ANKS1A: variants seen among roughly 807,000 people sequenced by gnomAD.
ANKS1A encodes the protein ankyrin repeat and sterile alpha motif domain containing 1A.
In ANKS1A, 55 loss-of-function variants were observed where a neutral mutation model predicts 120.3. The observed-to-expected ratio is 0.46, with a 90% CI of 0.37 to 0.57. The LOEUF is 0.57. Among genes scored for constraint, ANKS1A ranks in the 20% least tolerant of loss-of-function variants. ANKS1A has a pLI of 0.00. For missense variants in ANKS1A, 1,123 were observed against 1,480.3 expected (o/e 0.76, Z 3.96); for synonymous variants, 590 against 604.7 (o/e 0.98, Z 0.36).
In ANKS1A at chr6:35,084,880, G is replaced by A. The variant is rs1433526332; in HGVS notation, c.3132+622G>A. Reference sequence around the variant, plus strand: ...CACAGGGAGCAGACCAGAACTGACAGCCCACAGGCGGGGGTTCCCTCTAAC... The same window carrying A: ...CACAGGGAGCAGACCAGAACTGACAACCCACAGGCGGGGGTTCCCTCTAAC... On this transcript the variant is annotated intron_variant, in intron 21 of 23. Transcript: ENST00000360359. The surrounding 1 kb of genome is among the most constrained non-coding windows in gnomAD (Gnocchi z 4.8). 6.6e-6 allele frequency among the ~76,000 whole-genome samples: 1 copy of A among 152,188 alleles called. No individual in the cohort carries two copies. The highest frequency in any genetic ancestry group is 1.9e-4 in the East Asian group (1 of 5,190).
rs1774119426 is a variant in ANKS1A at position 35,017,840 on chromosome 6, A to G, written c.1791A>G (p.Glu597=). The G allele has an allele frequency of 6.2e-7, 1 of 1,614,170 alleles. No homozygotes were observed. Among genetic ancestry groups the G allele is most frequent in the Non-Finnish European group, 8.5e-7 (1 of 1,180,008 alleles). ...CTCCGCACCCTGGTGGTGCTGAGGA[A>G]GGAGACCGGAGTGGGGCCAGGAGCC... ...TASPHPGGAE[E]GDRSGARSRA... Residue 597 remains glutamate, a synonymous_variant, in exon 11 of 24, where the codon GAA becomes GAG. Transcript: ENST00000360359.
At chr6:35,028,248 C>G (rs1774727466) in intron 11 of ANKS1A, among the ~76,000 whole-genome samples, 1 of 152,180 alleles carries the variant, frequency 6.6e-6, no homozygotes, top group Non-Finnish European at 1.5e-5. Context: ...GGTTTTGCAG[C>G]TTGGGCCCTC....
At position 35,090,645 on chromosome 6, in the gene ANKS1A, C is replaced by T. The variant is rs1778252213; in HGVS notation, c.*2036C>T. The stretch of plus-strand genomic sequence containing the variant: ...TGACTGGGCCTTTCTTTCTTTTCTT[C>T]TCCTCTGGGATGGGTAGTCTCCCTT... On this transcript the variant is annotated 3_prime_UTR_variant, in exon 24 of 24. Coordinates refer to ENST00000360359, the MANE Select transcript of ANKS1A (RefSeq NM_015245.3). The T allele has an allele frequency of 1.0e-6, 1 of 992,700 alleles. No homozygotes were observed. Among genetic ancestry groups the T allele is most frequent in the South Asian group, 4.6e-5 (1 of 21,966 alleles). The allele number at this position is 992,700 out of a possible 1,614,324, so 61.5% of individuals were successfully genotyped here.
At chr6:34,994,549 G>T (rs1772749711) in intron 10 of ANKS1A, 127 bp downstream of exon 10, 4 of 1,378,074 alleles carry the variant, frequency 2.9e-6, no homozygotes, top group Non-Finnish European at 3.0e-6. Flanking sequence ...GTTTCACGAT[G>T]ATCTGGGATG....
At chr6:35,079,480 TGA>T (rs1561962452) in intron 14 of ANKS1A, 34 bp from the exon 15 acceptor site, 2 of 1,603,310 alleles carry the variant, frequency 1.2e-6, no homozygotes, top group Non-Finnish European at 8.5e-7. Context: ...CTGTGAGTGC[TGA>T]GATGTCAGTT....
chr6:35,065,903 G>A (rs561671034), intron 13 of ANKS1A, among the ~76,000 whole-genome samples: 91 of 152,280 alleles, frequency 6.0e-4, no homozygotes, highest in African/African-American at 1.9e-3. Flanking sequence ...TGCCTGGCCC[G>A]TTGCTTCTAC....
chr6:34,969,568 G>C (rs1771077307), intron 2 of ANKS1A, among the ~76,000 whole-genome samples: 1 of 152,150 alleles, frequency 6.6e-6, no homozygotes, highest in Non-Finnish European at 1.5e-5. Context: ...AGTAACTTTT[G>C]TTCTGCTTGG....
chr6:34,912,475 C>G (rs1767952597), intron 1 of ANKS1A, among the ~76,000 whole-genome samples: 1 of 152,304 alleles, frequency 6.6e-6, no homozygotes, highest in South Asian at 2.1e-4. Flanking sequence ...GGAGTAGGAG[C>G]TCCAGACCCT....
intron 1 of ANKS1A, among the ~76,000 whole-genome samples, chr6:34,918,756 G>A (rs1365386203): frequency 6.6e-6 from 1 of 152,142 alleles, no homozygotes; most frequent in African/African-American, 2.4e-5. Flanking sequence ...CAACACACAT[G>A]AAATTTTTTT....
chr6:34,931,964 A>C (rs988663041), intron 1 of ANKS1A, among the ~76,000 whole-genome samples: 7 of 152,218 alleles, frequency 4.6e-5, no homozygotes, highest in African/African-American at 1.7e-4. Context: ...TGTATCTTAA[A>C]ATAGTTGATA....
At position 35,085,675 on chromosome 6, in the gene ANKS1A, A is replaced by AG. The variant is rs35022395; in HGVS notation, c.3133-86dup. 34,763 of 1,364,282 alleles carry AG rather than the reference A, an allele frequency of 0.025. 569 individuals are homozygous for AG. Among genetic ancestry groups the AG allele is most frequent in the Non-Finnish European group, 0.03 (30,813 of 1,013,610 alleles). 84.5% of individuals were successfully genotyped at this position (1,364,282 alleles called of 1,614,324 possible). On this transcript the variant is annotated intron_variant, in intron 21 of 23. Transcript: ENST00000360359. The surrounding 1 kb of genome is among the most constrained non-coding windows in gnomAD (Gnocchi z 4.7). ...TAGGAGCGCTCCCGGGTAGACTTAGAGGGGGACACATGGTCCCTGCGAGGA... is the reference window on the plus strand; with the variant it reads ...TAGGAGCGCTCCCGGGTAGACTTAGAGGGGGGACACATGGTCCCTGCGAGGA...
At chr6:35,070,975 C>G in intron 13 of ANKS1A, 4 of 582,034 alleles carry the variant, frequency 6.9e-6, no homozygotes, top group Non-Finnish European at 1.3e-5. Flanking sequence ...AGGGTTTCCC[C>G]TCTCTGTCTA....
At chr6:34,990,303 C>A (rs557489690) in intron 9 of ANKS1A, among the ~76,000 whole-genome samples, 8 of 152,260 alleles carry the variant, frequency 5.3e-5, no homozygotes, top group African/African-American at 1.9e-4. Context: ...ATGCTAGGTA[C>A]AAATTCTGTC....
rs1452239631 is a variant in ANKS1A, at chr6:35,079,814, C to T, written c.2437-7C>T. 1 of 1,584,168 alleles carries T rather than the reference C, an allele frequency of 6.3e-7. No individual in the cohort carries two copies. The highest frequency in any genetic ancestry group is 1.1e-5 in the South Asian group (1 of 87,432). Reference sequence around the variant, plus strand: ...GACCTGTCACCTCGCTGCTCCTCATCACCCAGGTCCTGAAGGTCCAGCTGC... The same window carrying T: ...GACCTGTCACCTCGCTGCTCCTCATTACCCAGGTCCTGAAGGTCCAGCTGC... On this transcript the variant is annotated splice_polypyrimidine_tract_variant and splice_region_variant and intron_variant, in intron 15 of 23. Coordinates refer to ENST00000360359, the MANE Select transcript of ANKS1A (RefSeq NM_015245.3).
chr6:35,034,688 T>A (rs1403914653), intron 11 of ANKS1A, among the ~76,000 whole-genome samples: 2 of 152,244 alleles, frequency 1.3e-5, no homozygotes, highest in African/African-American at 4.8e-5. Flanking sequence ...AAATTTTATG[T>A]AATAAGGTAA....
intron 10 of ANKS1A, among the ~76,000 whole-genome samples, chr6:35,007,897 C>T (rs1227957160): frequency 6.6e-6 from 1 of 152,238 alleles, no homozygotes; most frequent in East Asian, 1.9e-4. Flanking sequence ...TCTACCTCTA[C>T]TCCTACATCA....
chr6:35,083,771 G>A (rs1471644210), intron 20 of ANKS1A, among the ~76,000 whole-genome samples: 1 of 152,170 alleles, frequency 6.6e-6, no homozygotes, highest in Non-Finnish European at 1.5e-5. Flanking sequence ...GCTCACAGGT[G>A]TGATTCCCTC....
intron 1 of ANKS1A, among the ~76,000 whole-genome samples, chr6:34,899,889 A>G (rs1767263908): frequency 6.6e-6 from 1 of 152,262 alleles, no homozygotes; most frequent in African/African-American, 2.4e-5. Flanking sequence ...CCCTGCAGCC[A>G]TGATCAAACT....
At chr6:34,914,898 TG>T (rs1294409394) in intron 1 of ANKS1A, among the ~76,000 whole-genome samples, 1 of 152,170 alleles carries the variant, frequency 6.6e-6, no homozygotes, top group African/African-American at 2.4e-5. Flanking sequence ...TAAGAGCTTC[TG>T]GGAGCAGCAG....
Sources: allele counts gnomAD v4.1 joint callset (sites outside exome capture counted in the v4.1 genomes callset), GRCh38; gene constraint gnomAD v4.1.1; non-coding constraint Gnocchi (gnomAD v3.1); transcripts MANE v1.5; gene names NCBI Gene and HGNC (gene_info 2026-07-23, HGNC 2026-07-21).